Variants in FIRRM observed in about 807,000 individuals in gnomAD.
The protein encoded by FIRRM is FIGNL1 interacting regulator of recombination and mitosis.
At chr1:169,823,616 A>T in the FIRRM span, 1 of 513,924 alleles carries the variant, frequency 1.9e-6, no homozygotes, top group Non-Finnish European at 3.5e-6. Context: ...AAATAATTGG[A>T]GATAGAGGCT....
At chr1:169,821,594 G>T in the FIRRM span, 4 of 1,013,146 alleles carry the variant, frequency 3.9e-6, no homozygotes, top group Non-Finnish European at 4.2e-6. Flanking sequence ...TTTGTTTTTA[G>T]AAAATATTGT....
the FIRRM span, chr1:169,832,561 C>T: frequency 7.9e-7 from 1 of 1,270,718 alleles, no homozygotes; most frequent in Non-Finnish European, 1.1e-6. Flanking sequence ...GAGTTGGATT[C>T]AGACTCCTTT....
the FIRRM span, among the ~76,000 whole-genome samples, chr1:169,837,984 C>G: frequency 6.6e-6 from 1 of 152,198 alleles, no homozygotes; most frequent in Non-Finnish European, 1.5e-5. Flanking sequence ...ATTGCCCAGG[C>G]TGGAGTGCAA....
chr1:169,828,986 C>T, the FIRRM span, among the ~76,000 whole-genome samples: 2 of 152,162 alleles, frequency 1.3e-5, no homozygotes, highest in Admixed American at 6.5e-5. Flanking sequence ...TTTCAAGTTC[C>T]TTGAGGAACT....
the FIRRM span, among the ~76,000 whole-genome samples, chr1:169,846,791 T>C: frequency 1.6e-4 from 24 of 152,328 alleles, no homozygotes; most frequent in African/African-American, 5.8e-4. Flanking sequence ...ACAATAAGAC[T>C]TTCCGTGTTC....
At chr1:169,839,213 G>A in the FIRRM span, among the ~76,000 whole-genome samples, 69 of 152,244 alleles carry the variant, frequency 4.5e-4, no homozygotes, top group African/African-American at 1.6e-3. Flanking sequence ...GCTGTTGTGA[G>A]TAGTGCTGCA....
chr1:169,847,856 GT>G, the FIRRM span: 1 of 1,234,814 alleles, frequency 8.1e-7, no homozygotes, highest in Non-Finnish European at 1.1e-6. Flanking sequence ...CTCTATAAGA[GT>G]TAGTGATTAA....
At chr1:169,852,266 T>TC in the FIRRM span, 1 of 345,766 alleles carries the variant, frequency 2.9e-6, no homozygotes, top group African/African-American at 2.1e-5. Context: ...TTAGTTTGAT[T>TC]CCTTGCCTTA....
chr1:169,849,710 C>T, the FIRRM span: 26 of 839,150 alleles, frequency 3.1e-5, no homozygotes, highest in Admixed American at 9.6e-5. Context: ...GTATTGCAAT[C>T]GGAAAATTGT....
the FIRRM span, among the ~76,000 whole-genome samples, chr1:169,808,170 T>G: frequency 6.6e-6 from 1 of 152,188 alleles, no homozygotes; most frequent in African/African-American, 2.4e-5. Flanking sequence ...CTTTGCTTGG[T>G]AACTGGTTGG....
chr1:169,835,653 C>G, the FIRRM span, among the ~76,000 whole-genome samples: 1 of 152,160 alleles, frequency 6.6e-6, no homozygotes, highest in African/African-American at 2.4e-5. Flanking sequence ...CCAGGGTTTT[C>G]AACCTCAGAA....
At chr1:169,804,259 C>T in the FIRRM span, 1 of 1,448,054 alleles carries the variant, frequency 6.9e-7, no homozygotes, top group Non-Finnish European at 9.2e-7. Context: ...AGAAAACTTT[C>T]TGCTTAGTAT....
the FIRRM span, chr1:169,852,115 AC>A: frequency 1.4e-6 from 1 of 734,478 alleles, no homozygotes; most frequent in Non-Finnish European, 2.3e-6. Flanking sequence ...GTGGGACTAC[AC>A]CATATCAAAT....
the FIRRM span, among the ~76,000 whole-genome samples, chr1:169,809,215 C>G: frequency 6.6e-6 from 1 of 152,158 alleles, no homozygotes; most frequent in Non-Finnish European, 1.5e-5. Context: ...CTTCTTGCTT[C>G]TCTTCTTTAT....
At chr1:169,804,302 T>C in the FIRRM span, 5 of 1,123,988 alleles carry the variant, frequency 4.4e-6, no homozygotes, top group South Asian at 1.8e-4. Context: ...CAATTAAAAT[T>C]GTCTCTAATG....
the FIRRM span, chr1:169,851,827 T>C: frequency 7.4e-6 from 12 of 1,613,934 alleles, no homozygotes; most frequent in Non-Finnish European, 1.0e-5. Context: ...ACTGGGTTTG[T>C]AGATGAAACT....
chr1:169,850,979 G>GTTT, the FIRRM span: 1 of 62,588 alleles, frequency 1.6e-5, no homozygotes, highest in Non-Finnish European at 2.6e-5. Context: ...TTTAGGCATG[G>GTTT]CTTTTTTTTT....
At chr1:169,827,841 G>A in the FIRRM span, 1 of 1,613,728 alleles carries the variant, frequency 6.2e-7, no homozygotes, top group Non-Finnish European at 8.5e-7. Context: ...CGACAACCAG[G>A]TAGCAAACAT....
the FIRRM span, among the ~76,000 whole-genome samples, chr1:169,840,921 G>C: frequency 6.6e-5 from 10 of 152,160 alleles, no homozygotes; most frequent in South Asian, 1.0e-3. Context: ...TCTTCTTTTC[G>C]TACTTGTGTG....
Sources: allele counts gnomAD v4.1 joint callset (sites outside exome capture counted in the v4.1 genomes callset), GRCh38; gene constraint gnomAD v4.1.1; transcripts MANE v1.5; gene names NCBI Gene and HGNC (gene_info 2026-07-23, HGNC 2026-07-21).